Variants in SNTB2 observed in about 807,000 individuals in gnomAD.
The protein encoded by SNTB2 is syntrophin beta 2, also known as beta-2-syntrophin.
A neutral mutation model predicts 46.2 loss-of-function variants in SNTB2; 34 were observed. The ratio of observed to expected loss-of-function variants is 0.74; its 90% confidence interval spans 0.56 to 0.98. The LOEUF (loss-of-function observed/expected upper bound fraction) is 0.98, where lower values mean the gene tolerates loss of function less well. Among genes scored for constraint, SNTB2 ranks in the 50% least tolerant of loss-of-function variants. The pLI is 0.00. For synonymous variants in SNTB2, 290 were observed against 312.6 expected, an observed-to-expected ratio of 0.93 and a Z score of 0.76; for missense variants, 603 against 731.4, an observed-to-expected ratio of 0.82 and a Z score of 2.02.
intron 1 of SNTB2, among the ~76,000 whole-genome samples, chr16:69,213,528 CT>C (rs1343925150): frequency 2.0e-5 from 3 of 151,078 alleles, no homozygotes; most frequent in Non-Finnish European, 2.9e-5. Context: ...GAGATGGAGT[CT>C]CACTCTGTCA....
intron 1 of SNTB2, among the ~76,000 whole-genome samples, chr16:69,221,573 T>C (rs900656083): frequency 2.6e-5 from 4 of 152,054 alleles, no homozygotes; most frequent in African/African-American, 9.7e-5. Context: ...GTCAGGAGTT[T>C]GAGACCAACT....
intron 1 of SNTB2, among the ~76,000 whole-genome samples, chr16:69,238,283 G>A (rs530758727): frequency 3.9e-5 from 6 of 152,176 alleles, no homozygotes; most frequent in African/African-American, 7.2e-5. Flanking sequence ...CTCTCACATC[G>A]GTCTCTATAG....
chr16:69,252,530 A>G (rs1224352774), intron 2 of SNTB2, among the ~76,000 whole-genome samples: 2 of 152,350 alleles, frequency 1.3e-5, no homozygotes, highest in East Asian at 1.9e-4. Context: ...TCATCTTCAC[A>G]TTGGCAATTT....
Position 69,284,166 on chromosome 16 carries a change from C to T in SNTB2, c.1267C>T (p.Arg423Trp), listed in dbSNP as rs375616677. The T allele has an allele frequency of 1.1e-5, 17 of 1,613,892 alleles. No individual in the cohort carries two copies. Among genetic ancestry groups the T allele is most frequent in the African/African-American group, 1.3e-5 (1 of 74,886 alleles). Residue 423 changes from arginine (R) to tryptophan (W), a missense_variant, in exon 5 of 7, where the codon CGG becomes TGG. Around this residue, in one of 2 missense-constraint regions of SNTB2, gnomAD observed 537 missense variants for 692.4 expected, o/e 0.78. Transcript: ENST00000336278. ...EMHLFRVETH[R>W]DLSSWTRILV... ...GCATCTCTTCAGGGTGGAGACACATCGGGATCTGTCATCCTGGACCAGGAT... is the reference window on the plus strand; with the variant it reads ...GCATCTCTTCAGGGTGGAGACACATTGGGATCTGTCATCCTGGACCAGGAT...
intron 3 of SNTB2, among the ~76,000 whole-genome samples, chr16:69,262,835 C>G (rs769137317): frequency 7.9e-5 from 12 of 151,952 alleles, no homozygotes; most frequent in Non-Finnish European, 1.3e-4. Flanking sequence ...TGCCACCACA[C>G]CCAGCTAATT....
At chr16:69,217,675 AC>A (rs1421788476) in intron 1 of SNTB2, among the ~76,000 whole-genome samples, 1 of 152,222 alleles carries the variant, frequency 6.6e-6, no homozygotes, top group African/African-American at 2.4e-5. Context: ...TCTTAAAAAA[AC>A]AAATGGAAGA....
At chr16:69,221,086 C>A (rs941902841) in intron 1 of SNTB2, among the ~76,000 whole-genome samples, 2 of 152,100 alleles carry the variant, frequency 1.3e-5, no homozygotes, top group South Asian at 2.1e-4. Flanking sequence ...ATTTGAAGAA[C>A]GTTTACAAAT....
chr16:69,195,458 T>A (rs993508282), intron 1 of SNTB2, among the ~76,000 whole-genome samples: 2 of 151,626 alleles, frequency 1.3e-5, no homozygotes, highest in Non-Finnish European at 2.9e-5. Context: ...TTTTTTTTTT[T>A]AGTAAGAATT....
intron 1 of SNTB2, among the ~76,000 whole-genome samples, chr16:69,192,777 A>G (rs1057131906): frequency 7.2e-5 from 11 of 152,228 alleles, no homozygotes; most frequent in African/African-American, 2.7e-4. Context: ...AACTCGTGAA[A>G]TAATTTTATA....
intron 6 of SNTB2, 39 bp from the exon 7 acceptor site, chr16:69,300,792 TG>T (rs1249264920): frequency 8.0e-7 from 1 of 1,253,720 alleles, no homozygotes; most frequent in South Asian, 1.2e-5. Context: ...TGTCTGTATA[TG>T]GTAGTGAGGT....
chr16:69,259,987 A>T, intron 2 of SNTB2, 63 bp from the exon 3 acceptor site: 1 of 1,188,464 alleles, frequency 8.4e-7, no homozygotes, highest in Non-Finnish European at 1.3e-6. Context: ...TATGTATTTT[A>T]AACCTGGCAG....
At chr16:69,272,889 CAAA>C (rs34011617) in intron 4 of SNTB2, among the ~76,000 whole-genome samples, 3 of 80,736 alleles carry the variant, frequency 3.7e-5, no homozygotes, top group Admixed American at 1.4e-4. Context: ...GACTCTGTCT[CAAA>C]AAAAAAAAAA....
At chr16:69,257,149 C>T (rs980643610) in intron 2 of SNTB2, among the ~76,000 whole-genome samples, 58 of 142,778 alleles carry the variant, frequency 4.1e-4, no homozygotes, top group African/African-American at 1.2e-3. Flanking sequence ...CCAGCCTGGG[C>T]GAAGAGCGAG....
At chr16:69,208,413 A>C (rs1964245953) in intron 1 of SNTB2, among the ~76,000 whole-genome samples, 1 of 152,068 alleles carries the variant, frequency 6.6e-6, no homozygotes, top group Non-Finnish European at 1.5e-5. Context: ...TCTCAAAAAA[A>C]AAAAAAAAGT....
chr16:69,246,989 GTATA>G (rs1285132220), intron 2 of SNTB2, among the ~76,000 whole-genome samples: 1 of 149,772 alleles, frequency 6.7e-6, no homozygotes, highest in Non-Finnish European at 1.5e-5. Context: ...CATGGCACAT[GTATA>G]TATATGTAAC....
chr16:69,281,608 T>C (rs1965047951), intron 4 of SNTB2, among the ~76,000 whole-genome samples: 1 of 151,686 alleles, frequency 6.6e-6, no homozygotes, highest in African/African-American at 2.4e-5. Flanking sequence ...CCCAGCACTT[T>C]GGGAGGCCGA....
At position 69,187,350 on chromosome 16, in the gene SNTB2, G is replaced by T; in HGVS notation, c.184G>T (p.Ala62Ser). Residue 62 changes from alanine to serine, a missense_variant, in exon 1 of 7, where the codon GCT becomes TCT. Physicochemically the swap from Ala to Ser is moderately conservative, Grantham distance 99. Coordinates refer to ENST00000336278, the MANE Select transcript of SNTB2 (RefSeq NM_006750.4). The stretch of plus-strand genomic sequence containing the variant: ...CGCCGCCGCGGCCGAGCTGGAGCCC[G>T]CTCTGGGACCCGCGGCCGCCGCCTT... ...GDAAAAELEPALGPAAAAFNG... is the reference protein window; with the variant it reads ...GDAAAAELEPSLGPAAAAFNG... 2 of 1,416,582 alleles carry T rather than the reference G, an allele frequency of 1.4e-6. No homozygotes were observed. The highest frequency in any genetic ancestry group is 1.8e-6 in the Non-Finnish European group (2 of 1,084,878). The allele number at this position is 1,416,582 out of a possible 1,614,324, so 87.8% of individuals were successfully genotyped here.
chr16:69,221,412 T>C (rs1314747112), intron 1 of SNTB2, among the ~76,000 whole-genome samples: 3 of 152,218 alleles, frequency 2.0e-5, no homozygotes, highest in Non-Finnish European at 4.4e-5. Context: ...TTTCTCTGTT[T>C]TACTTATAAG....
rs945535326 is a variant in SNTB2 at position 69,189,565 on chromosome 16, C to T, written c.580+1819C>T. Among the ~76,000 whole-genome samples, 8 of 151,612 alleles carry T rather than the reference C, an allele frequency of 5.3e-5. No individual in the cohort carries two copies. In the East Asian group the frequency reaches 9.7e-4, roughly 18 times the overall value. On this transcript the variant is annotated intron_variant, in intron 1 of 6. Coordinates refer to ENST00000336278, the MANE Select transcript of SNTB2 (RefSeq NM_006750.4). ...AGGTCAGGAGAACATGACGAAACCT[C>T]GTCTCTACTAAAAATACGAAAATTA...
Sources: gnomAD v4.1 joint callset for allele counts (sites outside exome capture counted in the v4.1 genomes callset) on GRCh38, gnomAD v4.1.1 for gene constraint, gnomAD v4.1.1 regional missense constraint, MANE v1.5 for transcripts, NCBI Gene and HGNC (gene_info 2026-07-23, HGNC 2026-07-21) for gene names.